Variants in CAB39 observed in about 807,000 individuals in gnomAD.
CAB39 encodes the protein calcium-binding protein 39.
Under a neutral mutation model 40.0 loss-of-function variants are expected in CAB39, and 8 were observed. The ratio of observed to expected loss-of-function variants is 0.20; its 90% confidence interval spans 0.12 to 0.36. The LOEUF (loss-of-function observed/expected upper bound fraction) is 0.36. Among genes scored for constraint, CAB39 ranks in the 10% least tolerant of loss-of-function variants. The pLI, the probability that CAB39 is intolerant of heterozygous loss-of-function variation, is 1.00. For missense variants in CAB39, 270 were observed against 401.1 expected, an observed-to-expected ratio of 0.67 and a Z score of 2.79; for synonymous variants, 156 against 141.6, an observed-to-expected ratio of 1.10 and a Z score of -0.72.
intron 8 of CAB39, 27 bp from the exon 9 acceptor site, chr2:230,818,489 G>A: frequency 1.2e-6 from 2 of 1,601,554 alleles, no homozygotes; most frequent in African/African-American, 1.3e-5. Context: ...CTTTCTCTGT[G>A]CCTCATGTGC....
At chr2:230,742,377 G>A (rs1575913708) in intron 1 of CAB39, among the ~76,000 whole-genome samples, 1 of 151,902 alleles carries the variant, frequency 6.6e-6, no homozygotes, top group Non-Finnish European at 1.5e-5. Flanking sequence ...GGGTTTCACC[G>A]TGTTAGCCAG....
chr2:230,717,657 A>G (rs949917164), intron 1 of CAB39, among the ~76,000 whole-genome samples: 2 of 152,212 alleles, frequency 1.3e-5, no homozygotes, highest in South Asian at 2.1e-4. Flanking sequence ...AAGAGTTACT[A>G]CAGGCCTAGG....
At chr2:230,750,396 T>C (rs916881521) in intron 1 of CAB39, among the ~76,000 whole-genome samples, 2 of 152,196 alleles carry the variant, frequency 1.3e-5, no homozygotes, top group African/African-American at 2.4e-5. Flanking sequence ...TGTTAAGATA[T>C]AGCACAAAAC....
At chr2:230,744,382 C>T (rs932245143) in intron 1 of CAB39, among the ~76,000 whole-genome samples, 4 of 152,224 alleles carry the variant, frequency 2.6e-5, no homozygotes, top group African/African-American at 9.7e-5. Flanking sequence ...CAGCCTCCAC[C>T]TCCCAGGTTC....
intron 2 of CAB39, among the ~76,000 whole-genome samples, chr2:230,789,397 C>A (rs574624671): frequency 2.0e-5 from 3 of 152,268 alleles, no homozygotes; most frequent in Admixed American, 6.5e-5. Flanking sequence ...AGTTCTTCTT[C>A]TTATTAGTCG....
chr2:230,771,025 C>T (rs1428750477), intron 2 of CAB39, among the ~76,000 whole-genome samples: 1 of 152,138 alleles, frequency 6.6e-6, no homozygotes, highest in African/African-American at 2.4e-5. Flanking sequence ...CAACTTCGTA[C>T]TTGGAGGTTC....
chr2:230,755,474 C>G (rs1559599374), intron 1 of CAB39, among the ~76,000 whole-genome samples: 1 of 152,202 alleles, frequency 6.6e-6, no homozygotes, highest in East Asian at 1.9e-4. Context: ...CCTTAGCCCA[C>G]TTTTTGATGG....
intron 5 of CAB39, among the ~76,000 whole-genome samples, chr2:230,804,150 A>G (rs186877400): frequency 0.02 from 3,096 of 152,318 alleles, 93 homozygotes; most frequent in African/African-American, 0.07. Flanking sequence ...AAATGGGGGA[A>G]AGGATTCCCT....
At chr2:230,793,101 A>G in intron 3 of CAB39, 112 bp from the exon 4 acceptor site, 2 of 624,700 alleles carry the variant, frequency 3.2e-6, no homozygotes. Flanking sequence ...TTAAAGTCAG[A>G]TATTCAGTCA....
chr2:230,713,512 C>T (rs1275370534), intron 1 of CAB39: 1 of 152,106 alleles, frequency 6.6e-6, no homozygotes, highest in African/African-American at 2.4e-5. Context: ...CCGTGGTTCT[C>T]TGGCGGGGCT....
At chr2:230,765,409 A>G (rs1695369270) in intron 2 of CAB39, among the ~76,000 whole-genome samples, 1 of 152,144 alleles carries the variant, frequency 6.6e-6, no homozygotes, top group Admixed American at 6.5e-5. Context: ...TCTTATGAAA[A>G]CAGCCTTGAC....
Position 230,805,601 on chromosome 2 carries a change from A to G in CAB39, c.568-4662A>G, listed in dbSNP as rs150428033. ...CCAATCTCTTCATCTGTTCAGATTC[A>G]GGTAATAACATGACCATATCAGTTG... On this transcript the variant is annotated intron_variant, in intron 5 of 8. Transcript: ENST00000258418. 3.2e-3 allele frequency among the ~76,000 whole-genome samples: 485 copies of G among 152,180 alleles called. 3 individuals carry two copies. Among genetic ancestry groups the G allele is most frequent in the African/African-American group, 0.011 (459 of 41,420 alleles).
intron 2 of CAB39, among the ~76,000 whole-genome samples, chr2:230,787,794 G>C (rs1695819460): frequency 6.6e-6 from 1 of 152,174 alleles, no homozygotes; most frequent in African/African-American, 2.4e-5. Context: ...TTCTGGAGAA[G>C]ATGACAATTT....
rs572479920 is a variant in CAB39 at position 230,758,729 on chromosome 2, G to C, written c.-43-1230G>C. ...GGGTGTCTGAGAGCCACCTTTTCTT[G>C]GGTGTGTGTGGGGAGCACCTTGGGC... On this transcript the variant is annotated intron_variant, in intron 1 of 8. Coordinates refer to ENST00000258418, the MANE Select transcript of CAB39 (RefSeq NM_016289.4). Among the ~76,000 whole-genome samples the C allele has an allele frequency of 9.9e-5, 15 of 152,278 alleles. No individual in the cohort carries two copies. The South Asian group carries it at 2.9e-3, about 29-fold the overall frequency.
chr2:230,728,203 A>C (rs911549089), intron 1 of CAB39, among the ~76,000 whole-genome samples: 2 of 152,142 alleles, frequency 1.3e-5, no homozygotes, highest in Non-Finnish European at 2.9e-5. Context: ...ACACCACTGC[A>C]CTCCAGCATG....
At position 230,771,153 on chromosome 2, in the gene CAB39, A is replaced by G. The variant is rs1427177444; in HGVS notation, c.114+11038A>G. 5.9e-5 allele frequency among the ~76,000 whole-genome samples: 9 copies of G among 152,310 alleles called. No homozygotes were observed. In the East Asian group the frequency reaches 1.7e-3, roughly 29 times the overall value. ...CTACATAGAAAAACTGAAGGAATCT[A>G]CACAACTAGTAGACTAGTAAATAAG... On this transcript the variant is annotated intron_variant, in intron 2 of 8. Coordinates refer to ENST00000258418, the MANE Select transcript of CAB39 (RefSeq NM_016289.4).
chr2:230,805,960 A>T (rs1696186352), intron 5 of CAB39, among the ~76,000 whole-genome samples: 1 of 151,868 alleles, frequency 6.6e-6, no homozygotes, highest in Non-Finnish European at 1.5e-5. Flanking sequence ...CAGGAAGGGA[A>T]GGACAGCAGA....
intron 1 of CAB39, among the ~76,000 whole-genome samples, chr2:230,757,569 G>T (rs79906849): frequency 1.3e-5 from 2 of 152,012 alleles, no homozygotes; most frequent in Non-Finnish European, 2.9e-5. Flanking sequence ...CCAACTTTTG[G>T]TATGTGGTAG....
intron 1 of CAB39, among the ~76,000 whole-genome samples, chr2:230,751,328 A>G (rs866701882): frequency 9.2e-5 from 14 of 152,242 alleles, no homozygotes; most frequent in African/African-American, 3.1e-4. Context: ...CTAAACACAT[A>G]CGCCCACATC....
Sources: allele counts gnomAD v4.1 joint callset (sites outside exome capture counted in the v4.1 genomes callset), GRCh38; gene constraint gnomAD v4.1.1; transcripts MANE v1.5; gene names NCBI Gene and HGNC (gene_info 2026-07-23, HGNC 2026-07-21).